Variants in POR observed in about 807,000 individuals in gnomAD.
POR encodes the protein NADPH--cytochrome P450 reductase.
In POR, 56 loss-of-function variants were observed where a neutral mutation model predicts 84.0. The ratio of observed to expected loss-of-function variants is 0.67; its 90% CI spans 0.54 to 0.83. POR has a LOEUF of 0.83. Among genes scored for constraint, POR ranks in the 40% least tolerant of loss-of-function variants. The pLI is 0.00. For synonymous variants in POR, 414 were observed against 400.5 expected (o/e 1.03, Z -0.40); for missense variants, 938 against 944.3 (o/e 0.99, Z 0.09).
intron 1 of POR, among the ~76,000 whole-genome samples, chr7:75,928,564 C>T (rs1451307408): frequency 6.6e-6 from 1 of 152,190 alleles, no homozygotes. Context: ...GGAAGTTGAA[C>T]ATTGAGATGG....
At chr7:75,954,356 A>T (rs1277429681) in intron 2 of POR, among the ~76,000 whole-genome samples, 176 bp downstream of exon 2, 7 of 151,908 alleles carry the variant, frequency 4.6e-5, no homozygotes, top group Admixed American at 6.6e-5. Context: ...ATCATCTCTT[A>T]TGTGGGGTTT....
intron 1 of POR, among the ~76,000 whole-genome samples, chr7:75,927,614 C>G (rs1408340650): frequency 6.6e-6 from 1 of 151,826 alleles, no homozygotes; most frequent in African/African-American, 2.4e-5. Context: ...ATAGTGAAAA[C>G]CACTGAATTT....
intron 3 of POR, among the ~76,000 whole-genome samples, chr7:75,973,372 G>A (rs113140929): frequency 0.065 from 9,831 of 151,646 alleles, 1,041 homozygotes; most frequent in African/African-American, 0.23. Context: ...GGAGTGCAGC[G>A]GCGCCATCAT....
rs782336856 is a variant in POR at position 75,985,840 on chromosome 7, C to T, written c.1660C>T (p.Arg554Ter). ...CTTCATCCAGGAGCGGGCCTGGCTG[C>T]GACAGCAGGGTGAGTGGGGTCCCAT... Residue 554 changes from arginine (R) to a stop codon, truncating the protein, a stop_gained, in exon 13 of 16, where the codon CGA (arginine) becomes TGA (stop). Coordinates refer to ENST00000461988, the MANE Select transcript of POR (RefSeq NM_000941.3). LOFTEE classifies it high-confidence loss of function. The T allele has an allele frequency of 7.7e-6, 12 of 1,549,138 alleles. No individual in the cohort carries two copies. The African/African-American group carries it at 8.1e-5, about 11-fold the overall frequency.
At chr7:75,935,986 C>A (rs1485620950) in intron 1 of POR, among the ~76,000 whole-genome samples, 5 of 151,856 alleles carry the variant, frequency 3.3e-5, no homozygotes, top group African/African-American at 1.2e-4. Flanking sequence ...CAGGCCTCTC[C>A]CTTTGGCAGT....
At chr7:75,931,571 G>A (rs971428269) in intron 1 of POR, among the ~76,000 whole-genome samples, 1 of 152,060 alleles carries the variant, frequency 6.6e-6, no homozygotes, top group African/African-American at 2.4e-5. Context: ...GTTTCACCAC[G>A]TTGGACAGGT....
At chr7:75,919,220 T>C (rs1806729630) in intron 1 of POR, among the ~76,000 whole-genome samples, 1 of 152,122 alleles carries the variant, frequency 6.6e-6, no homozygotes, top group Non-Finnish European at 1.5e-5. Context: ...CCTCTCTGGG[T>C]GAATGAACAA....
chr7:75,940,756 C>T lies in POR; in HGVS notation c.-4-13233C>T, dbSNP rs149588147. 1.3e-3 allele frequency among the ~76,000 whole-genome samples: 203 copies of T among 150,954 alleles called. 2 individuals carry two copies. In the East Asian group the frequency reaches 0.037, roughly 27 times the overall value. ...CTGAGATTGCGCCACTGTACTCCAG[C>T]CTGGACGACAGAGCAAGACTCCATC... On this transcript the variant is annotated intron_variant, in intron 1 of 15. Transcript: ENST00000461988.
intron 7 of POR, chr7:75,981,998 C>A (rs888956971): frequency 1.7e-6 from 1 of 581,444 alleles, no homozygotes; most frequent in South Asian, 2.0e-5. Context: ...CCCAGCCCTG[C>A]CCCGGCTTCT....
In POR at chr7:75,966,903, G is replaced by A. The variant is rs782629208; in HGVS notation, c.189-5510G>A. 2.0e-4 allele frequency among the ~76,000 whole-genome samples: 31 copies of A among 152,122 alleles called. 1 individual carries two copies. Among genetic ancestry groups the A allele is most frequent in the African/African-American group, 5.3e-4 (22 of 41,420 alleles). On this transcript the variant is annotated intron_variant, in intron 2 of 15. Transcript: ENST00000461988. ...CTTTCATGCTCCGTTCTGGAGCCACGTGGTCTGTGTGCTCCAGGCCTGGGA... is the reference window on the plus strand; with the variant it reads ...CTTTCATGCTCCGTTCTGGAGCCACATGGTCTGTGTGCTCCAGGCCTGGGA...
rs1563433871 is a variant in POR at position 75,984,774 on chromosome 7, CAG to C, written c.1067_1068del. ...CCAAGTCCTGCCTGTCTCTTCCCTG[CAG>C]AGGAGTCCAACAAGAAGCACCCATT... On this transcript the variant is annotated splice_acceptor_variant, in intron 10 of 15. Coordinates refer to ENST00000461988, the MANE Select transcript of POR (RefSeq NM_000941.3). LOFTEE classifies it high-confidence loss of function. 1 of 1,612,338 alleles carries C rather than the reference CAG, an allele frequency of 6.2e-7. No individual in the cohort carries two copies. Among genetic ancestry groups the C allele is most frequent in the South Asian group, 1.1e-5 (1 of 91,078 alleles).
intron 1 of POR, among the ~76,000 whole-genome samples, chr7:75,938,084 G>C (rs1367224377): frequency 1.3e-5 from 2 of 152,176 alleles, no homozygotes; most frequent in Admixed American, 6.5e-5. Context: ...CTGTTCGCCT[G>C]CTGTCCCTCC....
chr7:75,983,717 G>A (rs376804667), intron 9 of POR, 21 bp from the exon 10 acceptor site: 15 of 1,610,384 alleles, frequency 9.3e-6, no homozygotes, highest in African/African-American at 1.3e-5. Flanking sequence ...CGCCCCTCCC[G>A]AGCCTCACAT....
At chr7:75,938,772 A>T (rs1469216996) in intron 1 of POR, among the ~76,000 whole-genome samples, 2 of 152,120 alleles carry the variant, frequency 1.3e-5, no homozygotes, top group Admixed American at 1.3e-4. Flanking sequence ...ATGAATGCTT[A>T]TCTCTTATTC....
chr7:75,934,122 A>AGTGTGT (rs58236447), intron 1 of POR, among the ~76,000 whole-genome samples: 1,456 of 126,814 alleles, frequency 0.011, 17 homozygotes, highest in South Asian at 0.029. Context: ...AAGACCTCAG[A>AGTGTGT]GTGTGTGTGT....
rs562038363 is a variant in POR at position 75,936,911 on chromosome 7, C to A, written c.-4-17078C>A. On this transcript the variant is annotated intron_variant, in intron 1 of 15. Transcript: ENST00000461988. ...GCGCGATCTTGGCTCACTGCAAACT[C>A]CACCTCCCGGGTTCATGCCATTCTC... Among the ~76,000 whole-genome samples the A allele has an allele frequency of 1.7e-4, 25 of 149,726 alleles. 1 individual carries two copies. In the South Asian group the frequency reaches 5.3e-3, roughly 32 times the overall value.
chr7:75,957,521 C>T (rs1050366294), intron 2 of POR, among the ~76,000 whole-genome samples: 7 of 142,466 alleles, frequency 4.9e-5, no homozygotes, highest in Non-Finnish European at 1.1e-4. Context: ...TGAGTGAGGA[C>T]GTGGGTTGGC....
intron 3 of POR, among the ~76,000 whole-genome samples, chr7:75,973,418 ATCC>A (rs1429788531): frequency 6.6e-6 from 1 of 151,892 alleles, no homozygotes; most frequent in African/African-American, 2.4e-5. Context: ...GACTCAAGCC[ATCC>A]TCCTACCACA....
At chr7:75,966,181 C>A (rs781893438) in intron 2 of POR, among the ~76,000 whole-genome samples, 1 of 152,218 alleles carries the variant, frequency 6.6e-6, no homozygotes, top group Non-Finnish European at 1.5e-5. Flanking sequence ...AGTAAGAAGT[C>A]ATTCCCTTCG....
Sources: gnomAD v4.1 joint callset for allele counts (sites outside exome capture counted in the v4.1 genomes callset) on GRCh38, gnomAD v4.1.1 for gene constraint, MANE v1.5 for transcripts, NCBI Gene and HGNC (gene_info 2026-07-23, HGNC 2026-07-21) for gene names.